The following DDX5 variants were observed in gnomAD, a reference collection of about 807,000 sequenced individuals.
DDX5 encodes the protein probable ATP-dependent RNA helicase DDX5.
A neutral mutation model predicts 68.6 loss-of-function variants in DDX5; 6 were observed. The ratio of observed to expected loss-of-function variants is 0.09; its 90% CI spans 0.05 to 0.17. The LOEUF is 0.17. Among genes scored for constraint, DDX5 ranks in the 10% least tolerant of loss-of-function variants. DDX5 has a pLI of 1.00. For missense variants in DDX5, 499 were observed against 756.1 expected, an observed-to-expected ratio of 0.66 and a Z score of 3.99; for synonymous variants, 350 against 247.0, an observed-to-expected ratio of 1.42 and a Z score of -3.91.
chr17:64,499,047 T>G lies in DDX5; in HGVS notation c.*876A>C, dbSNP rs1235865720. Among the ~76,000 whole-genome samples the G allele has an allele frequency of 3.3e-5, 5 of 152,202 alleles. No individual in the cohort carries two copies. Among genetic ancestry groups the G allele is most frequent in the Admixed American group, 6.5e-5 (1 of 15,278 alleles). On this transcript the variant is annotated 3_prime_UTR_variant, in exon 13 of 13. Transcript: ENST00000225792. The stretch of plus-strand genomic sequence containing the variant: ...AGAGCCCCAGGGAGCCTGTGAAGAC[T>G]AGAATCTACAAGTAACCTGCACTAA...
At chr17:64,504,409 A>G (rs1287113959) in intron 2 of DDX5, 91 bp from the exon 3 acceptor site, 1 of 1,187,224 alleles carries the variant, frequency 8.4e-7, no homozygotes, top group Non-Finnish European at 1.2e-6. Flanking sequence ...ATAATTTAGT[A>G]ACTAGTTTAA....
intron 5 of DDX5, 32 bp from the exon 6 acceptor site, chr17:64,503,603 C>T (rs781850683): frequency 4.8e-5 from 77 of 1,610,556 alleles, no homozygotes; most frequent in Non-Finnish European, 5.9e-5. Context: ...TCAGCACAAA[C>T]CTGGATACTA....
intron 8 of DDX5, 151 bp downstream of exon 8, chr17:64,502,775 T>C: frequency 2.4e-6 from 2 of 825,790 alleles, no homozygotes; most frequent in South Asian, 3.8e-5. Flanking sequence ...CAGCCATTAT[T>C]TGAAGGATTC....
At position 64,498,717 on chromosome 17, in the gene DDX5, A is replaced by T. The variant is rs571065303; in HGVS notation, c.*1206T>A. On this transcript the variant is annotated 3_prime_UTR_variant, in exon 13 of 13. Coordinates refer to ENST00000225792, the MANE Select transcript of DDX5 (RefSeq NM_004396.5). ...CTTCTGGCAAAAAAAAACACGTATC[A>T]GACTCTGGGAAAACATTCAGACCCA... Among the ~76,000 whole-genome samples the T allele has an allele frequency of 6.6e-6, 1 of 152,204 alleles. No individual in the cohort carries two copies. Among genetic ancestry groups the T allele is most frequent in the Non-Finnish European group, 1.5e-5 (1 of 68,034 alleles).
intron 12 of DDX5, 22 bp downstream of exon 12, chr17:64,500,527 A>AG: frequency 6.2e-7 from 1 of 1,603,090 alleles, no homozygotes; most frequent in Non-Finnish European, 8.5e-7. Context: ...AACTACCAAC[A>AG]TTTCCTATCA....
In DDX5 at chr17:64,502,148, T is replaced by A; in HGVS notation, c.1156+14A>T. ...TTAAGTAAGGGGGAAAAATACTTCATTTGAAATATTTACCATTTAGAACCC... is the reference window on the plus strand; with the variant it reads ...TTAAGTAAGGGGGAAAAATACTTCAATTGAAATATTTACCATTTAGAACCC... On this transcript the variant is annotated intron_variant, in intron 10 of 12. Coordinates refer to ENST00000225792, the MANE Select transcript of DDX5 (RefSeq NM_004396.5). 1.2e-6 allele frequency: 2 copies of A among 1,613,694 alleles called. No homozygotes were observed. Among genetic ancestry groups the A allele is most frequent in the Non-Finnish European group, 1.7e-6 (2 of 1,179,612 alleles).
intron 11 of DDX5, 69 bp downstream of exon 11, chr17:64,501,941 A>T: frequency 6.7e-7 from 1 of 1,491,254 alleles, no homozygotes; most frequent in Non-Finnish European, 9.3e-7. Context: ...GAAAGCAATA[A>T]ACTTTCTTTA....
At chr17:64,503,916 C>G in intron 4 of DDX5, 48 bp from the exon 5 acceptor site, 1 of 1,612,612 alleles carries the variant, frequency 6.2e-7, no homozygotes, top group Non-Finnish European at 8.5e-7. Context: ...TTAAAATACT[C>G]GTTTTTAAAT....
rs781926927 is a variant in DDX5, at chr17:64,504,004, A to C, written c.420T>G (p.Thr140=). The C allele has an allele frequency of 6.2e-7, 1 of 1,614,228 alleles. No individual in the cohort carries two copies. The highest frequency in any genetic ancestry group is 2.2e-5 in the East Asian group (1 of 44,882). The change falls in exon 4 of 13, where the codon ACT becomes ACG. Residue 140 remains threonine (T), a synonymous_variant. Coordinates refer to ENST00000225792, the MANE Select transcript of DDX5 (RefSeq NM_004396.5). ...TTACAGACAATGTTTTCCCAGATCC[A>C]GTCTGTGCCACTCCAACCATATCCA... ...SGLDMVGVAQ[T]GSGKTLSYLL... is the part of the protein sequence containing the mutation.
upstream of DDX5, chr17:64,506,742 C>CGAAATAGCTCACCG: frequency 2.2e-6 from 1 of 458,306 alleles, no homozygotes; most frequent in Non-Finnish European, 4.0e-6. Context: ...GGATACAAAA[C>CGAAATAGCTCACCG]GAAATAGCTC....
intron 12 of DDX5, 21 bp downstream of exon 12, chr17:64,500,528 T>G (rs782808901): frequency 5.0e-5 from 80 of 1,603,628 alleles, no homozygotes; most frequent in Non-Finnish European, 6.0e-5. Flanking sequence ...ACTACCAACA[T>G]TTCCTATCAG....
chr17:64,504,868 C>A (rs782177212), intron 1 of DDX5, 26 bp from the exon 2 acceptor site: 1 of 1,586,994 alleles, frequency 6.3e-7, no homozygotes. Context: ...ACGTTATTCA[C>A]ATTTTCAAAT....
At chr17:64,502,821 A>AATCACACCAACTGAAATAACCTAAAAC in intron 8 of DDX5, 105 bp downstream of exon 8, 1 of 1,182,538 alleles carries the variant, frequency 8.5e-7, no homozygotes, top group Non-Finnish European at 1.2e-6. Flanking sequence ...AACTAAATGA[A>AATCACACCAACTGAAATAACCTAAAAC]ATCACACCAA....
chr17:64,501,744 G>A lies in DDX5; in HGVS notation c.1216+266C>T, dbSNP rs189903654. On this transcript the variant is annotated intron_variant, in intron 11 of 12. Transcript: ENST00000225792. ...GGAGAGAACAGTTTACGGGGCAGAG[G>A]TGATATGTTCTGCCTTTTGAAGATT... The A allele has an allele frequency of 2.6e-4, 139 of 544,104 alleles. No individual in the cohort carries two copies. In the East Asian group the frequency reaches 3.8e-3, roughly 15 times the overall value. The allele number at this position is 544,104 out of a possible 1,614,324, so 33.7% of individuals were successfully genotyped here.
Position 64,498,783 on chromosome 17 carries a change from T to C in DDX5, c.*1140A>G, listed in dbSNP as rs1396757060. Among the ~76,000 whole-genome samples, 2 of 152,216 alleles carry C rather than the reference T, an allele frequency of 1.3e-5. No homozygotes were observed. The highest frequency in any genetic ancestry group is 4.8e-5 in the African/African-American group (2 of 41,458). On this transcript the variant is annotated 3_prime_UTR_variant, in exon 13 of 13. Transcript: ENST00000225792. ...GAAATAAATGATTAGAAAGTTACGT[T>C]GGTGAGCCGAAGTTAAACCTAAAGC... is the stretch of plus-strand genomic sequence containing the variant.
rs782135117 is a variant in DDX5, at chr17:64,506,151, A to G, written c.-32T>C. On this transcript the variant is annotated 5_prime_UTR_variant, in exon 1 of 13. Transcript: ENST00000225792. ...AATGGTTGCGGTTGGCGGGGAACGA[A>G]GTATATAGAAAAGCGTGCGACAAGT... The G allele has an allele frequency of 9.3e-6, 15 of 1,606,880 alleles. No homozygotes were observed. The highest frequency in any genetic ancestry group is 1.3e-5 in the Non-Finnish European group (15 of 1,176,988).
chr17:64,502,907 C>CAG lies in DDX5; in HGVS notation c.983+17_983+18dup. On this transcript the variant is annotated intron_variant, in intron 8 of 12. Transcript: ENST00000225792. ...CAAAGTTGTTAGGAAGCAAATATAACAGAGTTAATAAAACTTACTTTTCAT... is the reference window on the plus strand; with the variant it reads ...CAAAGTTGTTAGGAAGCAAATATAACAGAGAGTTAATAAAACTTACTTTTCAT... 6.4e-7 allele frequency: 1 copy of CAG among 1,559,476 alleles called. No homozygotes were observed. Among genetic ancestry groups the CAG allele is most frequent in the Non-Finnish European group, 8.7e-7 (1 of 1,153,564 alleles).
chr17:64,503,742 G>C, intron 5 of DDX5, 61 bp downstream of exon 5: 1 of 1,558,580 alleles, frequency 6.4e-7, no homozygotes, highest in African/African-American at 1.4e-5. Flanking sequence ...TACATCTTTA[G>C]CTATGTAGTC....
intron 5 of DDX5, 28 bp downstream of exon 5, chr17:64,503,775 T>C (rs1555671547): frequency 1.9e-6 from 3 of 1,600,202 alleles, no homozygotes; most frequent in African/African-American, 2.7e-5. Context: ...ATTATGCTTC[T>C]AATAAAAAGT....
Sources: gnomAD v4.1 joint callset for allele counts (sites outside exome capture counted in the v4.1 genomes callset) on GRCh38, gnomAD v4.1.1 for gene constraint, MANE v1.5 for transcripts, NCBI Gene and HGNC (gene_info 2026-07-23, HGNC 2026-07-21) for gene names.